RAB27A: variants seen among roughly 807,000 people sequenced by gnomAD.
RAB27A encodes RAB27A, member RAS oncogene family.
Under a neutral mutation model 20.8 loss-of-function variants are expected in RAB27A, and 17 were observed. The observed-to-expected ratio is 0.82, with a 90% confidence interval of 0.56 to 1.23. The LOEUF (loss-of-function observed/expected upper bound fraction) is 1.23, where lower values mean the gene tolerates loss of function less well. Among genes scored for constraint, RAB27A ranks in the 50% most tolerant of loss-of-function variants. The pLI is 0.00. For synonymous variants in RAB27A, 85 were observed against 92.8 expected, an observed-to-expected ratio of 0.92 and a Z score of 0.48; for missense variants, 277 against 266.7, an observed-to-expected ratio of 1.04 and a Z score of -0.27.
rs112037458 is a variant in RAB27A at position 55,214,248 on chromosome 15, A to G, written c.468-8543T>C. ...TCGGGAGATCGAGACCATCCTGGCT[A>G]ACATGGTGAAACCCCGTCTCTACTA... On this transcript the variant is annotated intron_variant, in intron 6 of 6. Transcript: ENST00000336787. 9.5e-4 allele frequency among the ~76,000 whole-genome samples: 144 copies of G among 152,292 alleles called. 1 individual carries two copies. Among genetic ancestry groups the G allele is most frequent in the Non-Finnish European group, 1.5e-3 (99 of 68,018 alleles).
chr15:55,291,213 G>A (rs981969675), upstream of RAB27A, among the ~76,000 whole-genome samples: 6 of 152,140 alleles, frequency 3.9e-5, no homozygotes, highest in African/African-American at 1.4e-4. Context: ...CTGTTGGTGA[G>A]GTTAAGAGAG....
chr15:55,295,627 T>C (rs2054945522), intron 2 of RAB27A, among the ~76,000 whole-genome samples: 1 of 152,170 alleles, frequency 6.6e-6, no homozygotes, highest in South Asian at 2.1e-4. Context: ...TCCACTTATA[T>C]GAAACATCCA....
chr15:55,212,027 G>C (rs1041318853), intron 6 of RAB27A, among the ~76,000 whole-genome samples: 3 of 144,788 alleles, frequency 2.1e-5, no homozygotes, highest in Non-Finnish European at 4.5e-5. Context: ...ATGCTCTTCA[G>C]AGTGTTCTGG....
upstream of RAB27A, among the ~76,000 whole-genome samples, chr15:55,294,640 T>C (rs964345913): frequency 2.0e-5 from 3 of 149,150 alleles, no homozygotes; most frequent in Non-Finnish European, 3.0e-5. Flanking sequence ...ATTGGACTCT[T>C]ACCAATACCA....
intron 1 of RAB27A, among the ~76,000 whole-genome samples, chr15:55,282,471 G>A (rs1898041353): frequency 6.6e-6 from 1 of 152,122 alleles, no homozygotes; most frequent in South Asian, 2.1e-4. Context: ...GATGACTCAG[G>A]GTGAGGTTTT....
chr15:55,316,780 C>A (rs1339590043), intron 1 of RAB27A, among the ~76,000 whole-genome samples: 2 of 152,108 alleles, frequency 1.3e-5, no homozygotes, highest in African/African-American at 4.8e-5. Context: ...ATCTGCCATC[C>A]TCTCAAACAA....
At chr15:55,259,109 C>A (rs1451640621) in intron 2 of RAB27A, among the ~76,000 whole-genome samples, 3 of 152,158 alleles carry the variant, frequency 2.0e-5, no homozygotes, top group Admixed American at 2.0e-4. Context: ...AGCCACCATG[C>A]CCAGCCAGGT....
At chr15:55,303,640 C>T (rs1469144374) in intron 2 of RAB27A, among the ~76,000 whole-genome samples, 1 of 108,060 alleles carries the variant, frequency 9.3e-6, no homozygotes, top group Middle Eastern at 5.8e-3. Context: ...CGGCCAGCCG[C>T]CCCGTCCGGG....
At chr15:55,249,842 T>C (rs1296438005) in intron 2 of RAB27A, among the ~76,000 whole-genome samples, 1 of 152,234 alleles carries the variant, frequency 6.6e-6, no homozygotes, top group African/African-American at 2.4e-5. Flanking sequence ...GAACAAGCAT[T>C]GCAGTCCTTA....
In RAB27A at chr15:55,236,845, T is replaced by C. The variant is rs190799158; in HGVS notation, c.-22-1889A>G. Among the ~76,000 whole-genome samples the C allele has an allele frequency of 1.4e-3, 212 of 152,332 alleles. 1 individual carries two copies. Among genetic ancestry groups the C allele is most frequent in the African/African-American group, 4.7e-3 (196 of 41,574 alleles). ...CTCGAGTATTTATCATTTCTATGCA[T>C]TGAGAACATTTCAAGTCCTCTCTTC... On this transcript the variant is annotated intron_variant, in intron 2 of 6. Transcript: ENST00000336787.
chr15:55,318,420 G>C (rs2055080044), intron 1 of RAB27A, among the ~76,000 whole-genome samples: 1 of 149,280 alleles, frequency 6.7e-6, no homozygotes. Context: ...AACAAGAGGA[G>C]TGGGCCGCAC....
At chr15:55,219,566 G>A (rs895925646) in intron 6 of RAB27A, among the ~76,000 whole-genome samples, 5 of 152,136 alleles carry the variant, frequency 3.3e-5, no homozygotes, top group African/African-American at 9.7e-5. Flanking sequence ...CAGAAACTGC[G>A]GGACCCAGTG....
At chr15:55,299,780 T>A (rs975683021) in intron 2 of RAB27A, among the ~76,000 whole-genome samples, 1 of 152,034 alleles carries the variant, frequency 6.6e-6, no homozygotes, top group Non-Finnish European at 1.5e-5. Context: ...GGATGATACA[T>A]GAAATTAGAT....
intron 2 of RAB27A, among the ~76,000 whole-genome samples, chr15:55,302,762 C>T (rs1427008634): frequency 2.2e-5 from 3 of 133,398 alleles, no homozygotes; most frequent in African/African-American, 6.2e-5. Context: ...TCTGCCCGGC[C>T]GAGACCCCGT....
intron 2 of RAB27A, among the ~76,000 whole-genome samples, chr15:55,248,328 T>C (rs190479721): frequency 6.6e-6 from 1 of 152,298 alleles, no homozygotes; most frequent in Admixed American, 6.5e-5. Context: ...CTCTCCTGGC[T>C]TTCCTGTCCC....
chr15:55,297,140 A>G (rs549583883), intron 2 of RAB27A, among the ~76,000 whole-genome samples: 12 of 152,224 alleles, frequency 7.9e-5, no homozygotes, highest in Non-Finnish European at 1.6e-4. Flanking sequence ...TATTGGTACC[A>G]GAGGCTCAAA....
chr15:55,211,287 G>T (rs1444421859), intron 6 of RAB27A, among the ~76,000 whole-genome samples: 1 of 152,156 alleles, frequency 6.6e-6, no homozygotes, highest in East Asian at 1.9e-4. Flanking sequence ...CGATATTTGT[G>T]AAGAATATTA....
chr15:55,240,600 G>A (rs1896441242), intron 2 of RAB27A, among the ~76,000 whole-genome samples: 1 of 151,834 alleles, frequency 6.6e-6, no homozygotes, highest in Admixed American at 6.6e-5. Context: ...CCAATCTATT[G>A]TTGAGAGACA....
chr15:55,255,152 C>T (rs149732647), intron 2 of RAB27A, among the ~76,000 whole-genome samples: 20 of 152,250 alleles, frequency 1.3e-4, no homozygotes, highest in African/African-American at 4.1e-4. Flanking sequence ...GTTGTTTCAA[C>T]GGCAACATCC....
Sources: allele counts gnomAD v4.1 joint callset (sites outside exome capture counted in the v4.1 genomes callset), GRCh38; gene constraint gnomAD v4.1.1; transcripts MANE v1.5; gene names NCBI Gene and HGNC (gene_info 2026-07-23, HGNC 2026-07-21).